TMEM131: variants seen among roughly 807,000 people sequenced by gnomAD.
TMEM131 encodes the protein 2610524E03Rik.
TMEM131 carries 66 observed loss-of-function variants against 211.6 expected under a neutral mutation model. That is an observed-to-expected ratio of 0.31 (90% CI 0.26 to 0.38). The LOEUF is 0.38. TMEM131 is among the 10% of genes least tolerant of loss of function. The pLI, the probability that TMEM131 is intolerant of heterozygous loss-of-function variation, is 1.00. For missense variants in TMEM131, 2,036 were observed against 2,299.3 expected (o/e 0.89, Z 2.34); for synonymous variants, 844 against 841.3 (o/e 1.00, Z -0.06).
Position 97,814,425 on chromosome 2 carries a change from T to C in TMEM131, c.1293-37A>G, listed in dbSNP as rs757479109. ...AACAACAAGAACAAAATAAATCATT[T>C]TTATTTCCATGTGTTAATTTAAAAT... On this transcript the variant is annotated intron_variant, in intron 13 of 40. Transcript: ENST00000186436. 5 of 1,514,832 alleles carry C rather than the reference T, an allele frequency of 3.3e-6. No homozygotes were observed. In the East Asian group the frequency reaches 1.2e-4, roughly 36 times the overall value. 93.8% of individuals were successfully genotyped at this position (1,514,832 alleles called of 1,614,324 possible).
intron 5 of TMEM131, among the ~76,000 whole-genome samples, chr2:97,850,537 A>G (rs1673578400): frequency 6.6e-6 from 1 of 152,186 alleles, no homozygotes; most frequent in South Asian, 2.1e-4. Context: ...CATGACTGTA[A>G]GGTGCCCTTG....
chr2:97,772,330 A>G lies in TMEM131; in HGVS notation c.4415T>C (p.Ile1472Thr). ...VKQKSKKLLN[I>T]KKEIPTDVKP... ...CACATCTGTTGGGATTTCTTTCTTA[A>G]TATTTAAGAGTTTTTTGCTTTTTTG... is the stretch of plus-strand genomic sequence containing the variant. The change falls in exon 33 of 41, where the codon ATT (isoleucine) becomes ACT (threonine). Residue 1472 changes from isoleucine (I) to threonine (T), a missense_variant. Transcript: ENST00000186436. The G allele has an allele frequency of 6.2e-7, 1 of 1,603,300 alleles. No homozygotes were observed. The highest frequency in any genetic ancestry group is 1.1e-5 in the South Asian group (1 of 87,878).
intron 1 of TMEM131, among the ~76,000 whole-genome samples, chr2:97,961,134 T>C (rs1281318948): frequency 6.9e-6 from 1 of 144,374 alleles, no homozygotes; most frequent in Non-Finnish European, 1.5e-5. Flanking sequence ...GTAAACACTA[T>C]CTAAAAAAAA....
At chr2:97,910,529 C>T (rs1219008810) in intron 2 of TMEM131, among the ~76,000 whole-genome samples, 1 of 152,144 alleles carries the variant, frequency 6.6e-6, no homozygotes, top group African/African-American at 2.4e-5. Flanking sequence ...TTTATACATA[C>T]AAGGGAATAC....
Position 97,814,147 on chromosome 2 carries a change from A to T in TMEM131, c.1447-6T>A, listed in dbSNP as rs770756204. 1 of 1,612,576 alleles carries T rather than the reference A, an allele frequency of 6.2e-7. No homozygotes were observed. Among genetic ancestry groups the T allele is most frequent in the South Asian group, 1.1e-5 (1 of 90,766 alleles). On this transcript the variant is annotated splice_polypyrimidine_tract_variant and splice_region_variant and intron_variant, in intron 14 of 40. Transcript: ENST00000186436. ...GGTTTGCTGAAGTTGTGAACCTGAG[A>T]AATGACAGAAGAGAAAAAAAACAAA...
At chr2:97,846,750 C>T (rs1683456639) in intron 5 of TMEM131, among the ~76,000 whole-genome samples, 1 of 152,076 alleles carries the variant, frequency 6.6e-6, no homozygotes, top group African/African-American at 2.4e-5. Context: ...CAATGTGCCC[C>T]AGGGAAGCAA....
Position 97,892,643 on chromosome 2 carries a change from G to A in TMEM131, c.291-4523C>T, listed in dbSNP as rs565065703. ...CTCCCAAAGTGTTAGAATTATAGGC[G>A]TGAGCCACTGTGCCTGGCCTCATTT... is the stretch of plus-strand genomic sequence containing the variant. On this transcript the variant is annotated intron_variant, in intron 3 of 40. Transcript: ENST00000186436. Among the ~76,000 whole-genome samples, 38 of 152,306 alleles carry A rather than the reference G, an allele frequency of 2.5e-4. No homozygotes were observed. The East Asian group carries it at 3.3e-3, about 13-fold the overall frequency.
At chr2:97,959,492 T>A (rs1435708589) in intron 1 of TMEM131, among the ~76,000 whole-genome samples, 5 of 152,160 alleles carry the variant, frequency 3.3e-5, no homozygotes. Flanking sequence ...TTTATCAGAT[T>A]TGTTTCAGCA....
chr2:97,964,915 CT>C (rs1249849408), intron 1 of TMEM131, among the ~76,000 whole-genome samples: 2 of 152,168 alleles, frequency 1.3e-5, no homozygotes, highest in Admixed American at 1.3e-4. Flanking sequence ...AGATACAATT[CT>C]TTTTTGTGGG....
chr2:97,943,802 G>C (rs1677910130), intron 1 of TMEM131, among the ~76,000 whole-genome samples: 2 of 152,318 alleles, frequency 1.3e-5, no homozygotes, highest in South Asian at 4.1e-4. Flanking sequence ...ACCTTATCAA[G>C]GTTGGGCACA....
At chr2:97,903,281 C>T (rs948039497) in intron 3 of TMEM131, among the ~76,000 whole-genome samples, 3 of 152,062 alleles carry the variant, frequency 2.0e-5, no homozygotes, top group African/African-American at 4.8e-5. Context: ...TAACTAAGCA[C>T]GTGCGATTTT....
At chr2:97,771,091 C>T (rs919444866) in intron 33 of TMEM131, among the ~76,000 whole-genome samples, 2 of 152,098 alleles carry the variant, frequency 1.3e-5, no homozygotes, top group African/African-American at 4.8e-5. Context: ...CCTTTTCTCT[C>T]TCCCCTTCAA....
rs575516816 is a variant in TMEM131, at chr2:97,956,110, T to C, written c.188-28623A>G. Among the ~76,000 whole-genome samples the C allele has an allele frequency of 4.6e-5, 7 of 152,338 alleles. No individual in the cohort carries two copies. In the East Asian group the frequency reaches 9.6e-4, roughly 21 times the overall value. On this transcript the variant is annotated intron_variant, in intron 1 of 40. Transcript: ENST00000186436. ...AGTAAGAGTAAGGGTAGTATTATTC[T>C]AGTAATAGAGTACCTGAGAGAGTGT...
chr2:97,823,264 C>T (rs961514286), intron 11 of TMEM131, among the ~76,000 whole-genome samples: 10 of 152,078 alleles, frequency 6.6e-5, no homozygotes, highest in African/African-American at 2.4e-4. Flanking sequence ...CCCGGGCTAT[C>T]GGTTATGTCC....
chr2:97,934,855 T>C (rs1360373544), intron 1 of TMEM131, among the ~76,000 whole-genome samples: 1 of 152,166 alleles, frequency 6.6e-6, no homozygotes, highest in Non-Finnish European at 1.5e-5. Flanking sequence ...TTACAACTTA[T>C]ACAAAAATTA....
At chr2:97,874,547 A>G (rs1330589521) in intron 4 of TMEM131, among the ~76,000 whole-genome samples, 1 of 152,270 alleles carries the variant, frequency 6.6e-6, no homozygotes, top group Non-Finnish European at 1.5e-5. Context: ...TCTACTAGCC[A>G]GAAGAGAGTG....
chr2:97,980,630 C>A (rs1456815039), intron 1 of TMEM131, among the ~76,000 whole-genome samples: 1 of 152,094 alleles, frequency 6.6e-6, no homozygotes, highest in Non-Finnish European at 1.5e-5. Context: ...ATGTTCAAAG[C>A]GGCTTTATTT....
Position 97,760,800 on chromosome 2 carries a change from C to T in TMEM131, c.5004G>A (p.Lys1668=), listed in dbSNP as rs779405503. The change falls in exon 37 of 41, where the codon AAG becomes AAA. Residue 1668 remains lysine, a synonymous_variant. Coordinates refer to ENST00000186436, the MANE Select transcript of TMEM131 (RefSeq NM_015348.2). ...TFAAVTAGYD[K]SPGGNGFAKV... ...TGAAGCAAAGGCACTGACCTGGGCT[C>T]TTGTCGTAGCCAGCCGTGACTGCAG... 4.3e-6 allele frequency: 7 copies of T among 1,613,906 alleles called. No individual in the cohort carries two copies. The Admixed American group carries it at 5.0e-5, about 12-fold the overall frequency.
intron 22 of TMEM131, 139 bp downstream of exon 22, chr2:97,804,949 T>C (rs1467437261): frequency 1.7e-6 from 1 of 574,594 alleles, no homozygotes; most frequent in Admixed American, 3.4e-5. Context: ...GATGCCTCAC[T>C]AATAACTTTC....
Sources: gnomAD v4.1 joint callset for allele counts (sites outside exome capture counted in the v4.1 genomes callset) on GRCh38, gnomAD v4.1.1 for gene constraint, MANE v1.5 for transcripts, NCBI Gene and HGNC (gene_info 2026-07-23, HGNC 2026-07-21) for gene names.